Variants in CDK4 observed in about 807,000 individuals in gnomAD.
CDK4 encodes the protein cyclin dependent kinase 4.
A neutral mutation model predicts 36.7 loss-of-function variants in CDK4; 13 were observed. The ratio of observed to expected loss-of-function variants is 0.35; its 90% CI spans 0.23 to 0.56. The LOEUF is 0.56. Ranked by LOEUF, CDK4 falls within the 20% of genes least tolerant of loss-of-function variation. The pLI is 0.85. For missense variants in CDK4, 285 were observed against 387.3 expected (o/e 0.74, Z 2.22); for synonymous variants, 158 against 146.4 (o/e 1.08, Z -0.57).
chr12:57,750,668 A>G lies in CDK4; in HGVS notation c.620T>C (p.Met207Thr), dbSNP rs1339920302. The change falls in exon 5 of 8, where the codon ATG (methionine) becomes ACG (threonine). Residue 207 changes from methionine (M) to threonine (T), a missense_variant. By Grantham distance (81) the Met-to-Thr change is moderately conservative. Coordinates refer to ENST00000257904, the MANE Select transcript of CDK4 (RefSeq NM_000075.4). The part of the protein sequence containing the change: ...MWSVGCIFAE[M>T]FRRKPLFCGN... The stretch of plus-strand genomic sequence containing the variant: ...GTGGGTCCCATACTTTCGACGAAAC[A>G]TCTCTGCAAAGATACAGCCAACACT... 1.2e-6 allele frequency: 2 copies of G among 1,612,846 alleles called. No individual in the cohort carries two copies. The highest frequency in any genetic ancestry group is 1.1e-5 in the South Asian group (1 of 91,054).
In CDK4 at chr12:57,748,593, T is replaced by G; in HGVS notation, c.844A>C (p.Lys282Gln). The change falls in exon 8 of 8, where the codon AAG (lysine) becomes CAG (glutamine). Residue 282 changes from lysine (K) to glutamine (Q), a missense_variant. Lys to Gln is a moderately conservative substitution (Grantham distance 53, BLOSUM62 1). Transcript: ENST00000257904. ...AGAGCTCGAAAGGCAGAGATTCGCT[T>G]GTGTGGGTTAAAAGTCAGCATTTCC... ...LLEMLTFNPH[K>Q]RISAFRALQH... 1 of 1,613,882 alleles carries G rather than the reference T, an allele frequency of 6.2e-7. No individual in the cohort carries two copies. Among genetic ancestry groups the G allele is most frequent in the Non-Finnish European group, 8.5e-7 (1 of 1,179,772 alleles).
At position 57,750,907 on chromosome 12, in the gene CDK4, C is replaced by T. The variant is rs2140386239; in HGVS notation, c.522+16G>A. On this transcript the variant is annotated intron_variant, in intron 4 of 7. Transcript: ENST00000257904. ...CTCCCAACCAGAACCCATTTTGGTA[C>T]CATCTTTCTACTGACCACGGGTGTA... 6.2e-7 allele frequency: 1 copy of T among 1,614,154 alleles called. No homozygotes were observed.
At position 57,747,997 on chromosome 12, in the gene CDK4, C is replaced by G. The variant is rs1478581811; in HGVS notation, c.*528G>C. On this transcript the variant is annotated 3_prime_UTR_variant, in exon 8 of 8. Coordinates refer to ENST00000257904, the MANE Select transcript of CDK4 (RefSeq NM_000075.4). ...CCTCAGGTGATCCACCCGCGTTGGC[C>G]TCCCAACGTGCTGGGATTATAGGCG... 1 of 222,804 alleles carries G rather than the reference C, an allele frequency of 4.5e-6. No homozygotes were observed. Among genetic ancestry groups the G allele is most frequent in the East Asian group, 7.1e-5 (1 of 14,096 alleles). The allele number at this position is 222,804 out of a possible 1,614,324, so 13.8% of individuals were successfully genotyped here.
intron 4 of CDK4, 58 bp downstream of exon 4, chr12:57,750,865 G>T (rs1227855053): frequency 2.5e-6 from 4 of 1,602,182 alleles, no homozygotes; most frequent in South Asian, 2.2e-5. Flanking sequence ...CAATTGCTAC[G>T]GGCAATCACT....
At chr12:57,750,335 G>A (rs1449633556) in intron 5 of CDK4, 4 of 370,958 alleles carry the variant, frequency 1.1e-5, no homozygotes, top group East Asian at 6.2e-5. Flanking sequence ...GGAGGTAGGG[G>A]TGGGAGGATT....
intron 4 of CDK4, 64 bp downstream of exon 4, chr12:57,750,859 T>G: frequency 6.2e-7 from 1 of 1,604,980 alleles, no homozygotes; most frequent in South Asian, 1.1e-5. Flanking sequence ...ACTTCTCAAT[T>G]GCTACGGGCA....
chr12:57,751,707 G>C lies in CDK4; in HGVS notation c.11C>G (p.Ser4Cys), dbSNP rs1227101024. 2 of 1,614,138 alleles carry C rather than the reference G, an allele frequency of 1.2e-6. No individual in the cohort carries two copies. Among genetic ancestry groups the C allele is most frequent in the Non-Finnish European group, 1.7e-6 (2 of 1,180,030 alleles). ...AATTTCAGCCACTGGCTCATATCGA[G>C]AGGTAGCCATTCTCAGATCAAGGGA... MAT[S>C]RYEPVAEIGV... is the part of the protein sequence containing the mutation. Residue 4 changes from serine to cysteine, a missense_variant, in exon 2 of 8, where the codon TCT becomes TGT. Physicochemically the swap from Ser to Cys is moderately radical, Grantham distance 112 (BLOSUM62 -1). Transcript: ENST00000257904. The surrounding 1 kb of genome is among the most constrained non-coding windows in gnomAD (Gnocchi z 4.5).
chr12:57,752,173 AC>A lies in CDK4; in HGVS notation c.-20+1del. On this transcript the variant is annotated splice_donor_variant, in intron 1 of 7. Transcript: ENST00000257904. LOFTEE classifies it low-confidence loss of function (5UTR_SPLICE). ...TCATTCCTGGGAAGGGACTGCACTT[AC>A]CTCACGCCAGCCCGGGGTGCTGTGG... is the stretch of plus-strand genomic sequence containing the variant. 1 of 264,220 alleles carries A rather than the reference AC, an allele frequency of 3.8e-6. No homozygotes were observed. The highest frequency in any genetic ancestry group is 4.0e-5 in the South Asian group (1 of 25,190). 16.4% of individuals were successfully genotyped at this position (264,220 alleles called of 1,614,324 possible). A position where few individuals can be genotyped will look rare whatever the true frequency, so the allele number is the denominator to read the frequency against.
Position 57,751,138 on chromosome 12 carries a change from C to T in CDK4, c.355-48G>A, listed in dbSNP as rs3211614. 1.2e-6 allele frequency: 2 copies of T among 1,614,132 alleles called. No individual in the cohort carries two copies. The highest frequency in any genetic ancestry group is 1.3e-5 in the African/African-American group (1 of 75,040). On this transcript the variant is annotated intron_variant, in intron 3 of 7. Transcript: ENST00000257904. The surrounding 1 kb of genome is among the most constrained non-coding windows in gnomAD (Gnocchi z 4.5). ...GATGCACTGGAAACTAGGCACCATA[C>T]CTGAAATCCCAGAAGGTTCTACTAC...
At position 57,751,966 on chromosome 12, in the gene CDK4, TCGCGCCC is replaced by T; in HGVS notation, c.-20+202_-20+208del. On this transcript the variant is annotated intron_variant, in intron 1 of 7. Coordinates refer to ENST00000257904, the MANE Select transcript of CDK4 (RefSeq NM_000075.4). The surrounding 1 kb of genome is among the most constrained non-coding windows in gnomAD (Gnocchi z 4.5). ...GAAAACGCTTTTTCCTTTGGGACAA[TCGCGCCC>T]CGCACAAAGATCACACATGACACAT... 2 of 559,222 alleles carry T rather than the reference TCGCGCCC, an allele frequency of 3.6e-6. No individual in the cohort carries two copies. Among genetic ancestry groups the T allele is most frequent in the South Asian group, 4.0e-5 (2 of 49,720 alleles). The allele number at this position is 559,222 out of a possible 1,614,324, so 34.6% of individuals were successfully genotyped here.
chr12:57,748,607 G>A lies in CDK4; in HGVS notation c.830C>T (p.Thr277Ile). Residue 277 changes from threonine to isoleucine, a missense_variant, in exon 8 of 8, where the codon ACT becomes ATT. Thr to Ile is a moderately conservative substitution (Grantham distance 89, BLOSUM62 -1). Coordinates refer to ENST00000257904, the MANE Select transcript of CDK4 (RefSeq NM_000075.4). ...SGAQLLLEML[T>I]FNPHKRISAF... is the part of the protein sequence containing the mutation. ...AGAGATTCGCTTGTGTGGGTTAAAA[G>A]TCAGCATTTCCTGAGGGGAGAGGCA... 2 of 1,613,200 alleles carry A rather than the reference G, an allele frequency of 1.2e-6. No individual in the cohort carries two copies. The highest frequency in any genetic ancestry group is 1.7e-6 in the Non-Finnish European group (2 of 1,179,222).
rs552767209 is a variant in CDK4 at position 57,751,139 on chromosome 12, C to T, written c.355-49G>A. On this transcript the variant is annotated intron_variant, in intron 3 of 7. Coordinates refer to ENST00000257904, the MANE Select transcript of CDK4 (RefSeq NM_000075.4). This position sits in a 1 kb window ranked among gnomAD's most constrained non-coding sequence, Gnocchi z 4.5. ...ATGCACTGGAAACTAGGCACCATACCTGAAATCCCAGAAGGTTCTACTACA... is the reference window on the plus strand; with the variant it reads ...ATGCACTGGAAACTAGGCACCATACTTGAAATCCCAGAAGGTTCTACTACA... 1.9e-6 allele frequency: 3 copies of T among 1,614,158 alleles called. No individual in the cohort carries two copies. Among genetic ancestry groups the T allele is most frequent in the East Asian group, 4.5e-5 (2 of 44,884 alleles).
chr12:57,748,263 C>A lies in CDK4; in HGVS notation c.*262G>T. The A allele has an allele frequency of 3.7e-5, 14 of 378,064 alleles. No homozygotes were observed. Among genetic ancestry groups the A allele is most frequent in the East Asian group, 8.4e-5 (2 of 23,820 alleles). The allele number at this position is 378,064 out of a possible 1,614,324, so 23.4% of individuals were successfully genotyped here. On this transcript the variant is annotated 3_prime_UTR_variant, in exon 8 of 8. Transcript: ENST00000257904. Reference sequence around the variant, plus strand: ...CCATTATTTCTTTGTTTTGTTTTTCCTGTATAAAAAAGGACCCCAAATATA... The same window carrying A: ...CCATTATTTCTTTGTTTTGTTTTTCATGTATAAAAAAGGACCCCAAATATA...
In CDK4 at chr12:57,751,806, AGG is replaced by A. The variant is rs766209045; in HGVS notation, c.-19-72_-19-71del. On this transcript the variant is annotated intron_variant, in intron 1 of 7. Transcript: ENST00000257904. This position sits in a 1 kb window ranked among gnomAD's most constrained non-coding sequence, Gnocchi z 4.5. ...GGATGGTATGAGCCTGCAGCAACAA[AGG>A]GACTCCCAAAAAAAAAGCGCAAAGA... is the stretch of plus-strand genomic sequence containing the variant. 3.7e-5 allele frequency: 42 copies of A among 1,122,608 alleles called. No individual in the cohort carries two copies. Among genetic ancestry groups the A allele is most frequent in the Non-Finnish European group, 5.5e-5 (42 of 760,322 alleles). 69.5% of individuals were successfully genotyped at this position (1,122,608 alleles called of 1,614,324 possible). A position where few individuals can be genotyped will look rare whatever the true frequency, so the allele number is the denominator to read the frequency against.
intron 7 of CDK4, 174 bp from the exon 8 acceptor site, chr12:57,748,791 C>T (rs574043738): frequency 2.5e-5 from 15 of 599,848 alleles, no homozygotes; most frequent in East Asian, 1.2e-4. Context: ...CTGCAACCTC[C>T]GCCTCCTGAG....
chr12:57,749,614 TC>T, intron 5 of CDK4, 110 bp from the exon 6 acceptor site: 1 of 1,066,796 alleles, frequency 9.4e-7, no homozygotes, highest in Non-Finnish European at 1.4e-6. Context: ...GGCCAACAAT[TC>T]CAGCACTTTG....
At chr12:57,749,596 G>A in intron 5 of CDK4, 92 bp from the exon 6 acceptor site, 1 of 1,251,676 alleles carries the variant, frequency 8.0e-7, no homozygotes. Context: ...GGAAGTATAG[G>A]GAATAAAGGC....
rs1012477745 is a variant in CDK4, at chr12:57,750,658, T to G, written c.630A>C (p.Arg210=). 2 of 1,608,998 alleles carry G rather than the reference T, an allele frequency of 1.2e-6. No individual in the cohort carries two copies. The highest frequency in any genetic ancestry group is 1.7e-6 in the Non-Finnish European group (2 of 1,175,258). The part of the protein sequence containing the change: ...VGCIFAEMFR[R]KPLFCGNSEA... ...TCCAGGGTATGTGGGTCCCATACTTTCGACGAAACATCTCTGCAAAGATAC... is the reference window on the plus strand; with the variant it reads ...TCCAGGGTATGTGGGTCCCATACTTGCGACGAAACATCTCTGCAAAGATAC... Residue 210 remains arginine (R), a splice_region_variant and synonymous_variant, in exon 5 of 8, where the codon CGA becomes CGC. Transcript: ENST00000257904.
chr12:57,750,280 G>T (rs536947498), intron 5 of CDK4: 15 of 285,442 alleles, frequency 5.3e-5, no homozygotes, highest in Non-Finnish European at 6.9e-5. Context: ...TTAGTAGTAC[G>T]CAAGTAAAAG....
Sources: allele counts gnomAD v4.1 joint callset, GRCh38; gene constraint gnomAD v4.1.1; non-coding constraint Gnocchi (gnomAD v3.1); transcripts MANE v1.5; gene names NCBI Gene and HGNC (gene_info 2026-07-23, HGNC 2026-07-21).